The following LRRC37A2 variants were observed in gnomAD, a reference collection of about 807,000 sequenced individuals.
LRRC37A2 encodes leucine rich repeat containing 37 member A2.
LRRC37A2 carries 9 observed loss-of-function variants against 68.8 expected under a neutral mutation model. That is an observed-to-expected ratio of 0.13 (90% CI 0.08 to 0.23). The LOEUF is 0.23. Among genes scored for constraint, LRRC37A2 ranks in the 10% least tolerant of loss-of-function variants. The pLI is 1.00. For synonymous variants in LRRC37A2, 63 were observed against 367.6 expected (o/e 0.17, Z 9.48); for missense variants, 168 against 950.4 (o/e 0.18, Z 10.82).
the LRRC37A2 span, among the ~76,000 whole-genome samples, chr17:47,025,224 T>C: frequency 6.6e-6 from 1 of 152,156 alleles, no homozygotes; most frequent in Non-Finnish European, 1.5e-5. Flanking sequence ...CTGTCTGACC[T>C]TCACAAAAAA....
the LRRC37A2 span, among the ~76,000 whole-genome samples, chr17:46,858,514 T>C: frequency 6.6e-6 from 1 of 152,222 alleles, no homozygotes; most frequent in South Asian, 2.1e-4. Flanking sequence ...AGAAATGATA[T>C]CTTTCGGTCC....
the LRRC37A2 span, among the ~76,000 whole-genome samples, chr17:47,023,955 G>C: frequency 6.6e-6 from 1 of 152,168 alleles, no homozygotes; most frequent in Non-Finnish European, 1.5e-5. Flanking sequence ...TTACCTATTA[G>C]GGTTAGAGAG....
At chr17:47,023,121 T>C in the LRRC37A2 span, among the ~76,000 whole-genome samples, 1 of 152,270 alleles carries the variant, frequency 6.6e-6, no homozygotes, top group Non-Finnish European at 1.5e-5. Context: ...CATCTAAATG[T>C]GAATTTTTCT....
chr17:47,009,223 A>T, the LRRC37A2 span, among the ~76,000 whole-genome samples: 1 of 152,150 alleles, frequency 6.6e-6, no homozygotes, highest in Admixed American at 6.5e-5. Flanking sequence ...CATCTAAAAA[A>T]TTTTATCCTT....
At chr17:46,520,834 A>G (rs1419774937) in intron 4 of LRRC37A2, among the ~76,000 whole-genome samples, 4 of 59,330 alleles carry the variant, frequency 6.7e-5, no homozygotes, top group African/African-American at 2.2e-4. Context: ...CTAAAGGAGA[A>G]GAAAATGGAG....
At chr17:46,861,983 G>T in the LRRC37A2 span, among the ~76,000 whole-genome samples, 1 of 152,052 alleles carries the variant, frequency 6.6e-6, no homozygotes, top group Non-Finnish European at 1.5e-5. Context: ...GGCCAACATG[G>T]TGAAACCCCA....
the LRRC37A2 span, chr17:46,876,454 C>T: frequency 6.2e-7 from 1 of 1,613,696 alleles, no homozygotes; most frequent in Non-Finnish European, 8.5e-7. Flanking sequence ...AGGGCAGCCT[C>T]ACCAAAGGCC....
chr17:47,022,596 C>T, the LRRC37A2 span, among the ~76,000 whole-genome samples: 1 of 152,186 alleles, frequency 6.6e-6, no homozygotes, highest in Non-Finnish European at 1.5e-5. Flanking sequence ...AGACTTTTCC[C>T]CATTTACCTA....
chr17:46,875,502 C>A, the LRRC37A2 span: 1 of 1,236,974 alleles, frequency 8.1e-7, no homozygotes. Flanking sequence ...GGATGAACTT[C>A]ACGTCTTCAA....
the LRRC37A2 span, among the ~76,000 whole-genome samples, chr17:47,014,314 C>A: frequency 1.2e-3 from 188 of 150,410 alleles, 1 homozygote; most frequent in Middle Eastern, 3.4e-3. Flanking sequence ...CGCTTGAACC[C>A]AGGAGGTGGA....
At chr17:46,724,912 C>T in the LRRC37A2 span, among the ~76,000 whole-genome samples, 1 of 152,022 alleles carries the variant, frequency 6.6e-6, no homozygotes, top group Non-Finnish European at 1.5e-5. Context: ...ATTTCCATTC[C>T]CTGACTTCAA....
At chr17:46,955,455 A>G in the LRRC37A2 span, 1 of 152,140 alleles carries the variant, frequency 6.6e-6, no homozygotes, top group African/African-American at 2.4e-5. Context: ...AATGTTCATC[A>G]AGGATATTGG....
chr17:46,958,673 T>G, the LRRC37A2 span, among the ~76,000 whole-genome samples: 10 of 152,238 alleles, frequency 6.6e-5, no homozygotes, highest in African/African-American at 2.2e-4. Flanking sequence ...CTCCCTCTGA[T>G]GGACAAGAGT....
At chr17:46,773,906 G>T in the LRRC37A2 span, 4 of 1,611,470 alleles carry the variant, frequency 2.5e-6, no homozygotes, top group Non-Finnish European at 8.5e-7. Context: ...CCAGGGCCAG[G>T]GACCTGCAGG....
At chr17:46,751,501 A>C in the LRRC37A2 span, 1 of 1,611,260 alleles carries the variant, frequency 6.2e-7, no homozygotes, top group Non-Finnish European at 8.5e-7. Flanking sequence ...TTGTTTTTGT[A>C]GCTTTTGGGC....
chr17:46,794,564 A>G, the LRRC37A2 span, among the ~76,000 whole-genome samples: 1 of 152,098 alleles, frequency 6.6e-6, no homozygotes, highest in Non-Finnish European at 1.5e-5. Context: ...TGCAGAACAC[A>G]CTGTACCACC....
chr17:46,801,318 C>A, the LRRC37A2 span, among the ~76,000 whole-genome samples: 2 of 152,196 alleles, frequency 1.3e-5, no homozygotes, highest in East Asian at 3.9e-4. Flanking sequence ...CTAATTAGAC[C>A]GTTTAAAAAT....
the LRRC37A2 span, chr17:46,940,632 C>T: frequency 1.9e-6 from 3 of 1,613,936 alleles, no homozygotes; most frequent in Admixed American, 3.3e-5. Flanking sequence ...TTCTTGAACT[C>T]TGGGAGGCAG....
the LRRC37A2 span, among the ~76,000 whole-genome samples, chr17:47,028,902 A>G: frequency 6.6e-6 from 1 of 150,682 alleles, no homozygotes; most frequent in Admixed American, 6.6e-5. Context: ...TTGTAGGGCC[A>G]GAATGGTGGC....
Sources: gnomAD v4.1 joint callset for allele counts (sites outside exome capture counted in the v4.1 genomes callset) on GRCh38, gnomAD v4.1.1 for gene constraint, MANE v1.5 for transcripts, NCBI Gene and HGNC (gene_info 2026-07-23, HGNC 2026-07-21) for gene names.